The following LUZP1 variants were observed in gnomAD, a reference collection of about 807,000 sequenced individuals.
The protein encoded by LUZP1 is filamin mechanobinding actin cross-linking protein.
In LUZP1, 25 loss-of-function variants were observed where a neutral mutation model predicts 71.3. The observed-to-expected ratio is 0.35, with a 90% CI of 0.26 to 0.49. The LOEUF (loss-of-function observed/expected upper bound fraction) is 0.49, where lower values mean the gene tolerates loss of function less well. LUZP1 is among the 20% of genes least tolerant of loss of function. LUZP1 has a pLI of 0.99. For missense variants in LUZP1, 1,142 were observed against 1,300.8 expected (o/e 0.88, Z 1.88); for synonymous variants, 481 against 506.4 (o/e 0.95, Z 0.67).
At position 23,092,323 on chromosome 1, in the gene LUZP1, G is replaced by C. The variant is rs530578059; in HGVS notation, c.1939C>G (p.Arg647Gly). 7.4e-6 allele frequency: 12 copies of C among 1,614,090 alleles called. No homozygotes were observed. In the South Asian group the frequency reaches 9.9e-5, roughly 13 times the overall value. The stretch of plus-strand genomic sequence containing the variant: ...TCTCTGCCACTGGATTTGATGACTC[G>C]ACACCTCAAGGCTTCATGCGGACTG... The change falls in exon 4 of 5, where the codon CGA (arginine) becomes GGA (glycine). Residue 647 changes from arginine (R) to glycine (G), a missense_variant. Transcript: ENST00000302291.
chr1:23,109,793 A>C (rs925997682), intron 2 of LUZP1: 1 of 152,156 alleles, frequency 6.6e-6, no homozygotes, highest in Non-Finnish European at 1.5e-5. Flanking sequence ...CTGAAATCTA[A>C]AACACTTCTG....
chr1:23,124,163 C>G (rs1012525769), intron 2 of LUZP1, among the ~76,000 whole-genome samples: 1 of 152,156 alleles, frequency 6.6e-6, no homozygotes, highest in Admixed American at 6.5e-5. Flanking sequence ...AAAGCTGCAG[C>G]CCTTCATCAA....
At chr1:23,142,171 C>T (rs1164919988) in intron 2 of LUZP1, among the ~76,000 whole-genome samples, 1 of 151,502 alleles carries the variant, frequency 6.6e-6, no homozygotes, top group East Asian at 1.9e-4. Flanking sequence ...TTTAAAAATA[C>T]TTTGTAGAAA....
chr1:23,168,176 C>G (rs187788587), intron 2 of LUZP1, among the ~76,000 whole-genome samples: 21,092 of 143,238 alleles, frequency 0.15, 1,890 homozygotes, highest in South Asian at 0.3. Context: ...GCGGCCCGCG[C>G]CCCGCGCCCG....
chr1:23,131,535 G>C (rs189892897), intron 2 of LUZP1, among the ~76,000 whole-genome samples: 1 of 152,104 alleles, frequency 6.6e-6, no homozygotes, highest in African/African-American at 2.4e-5. Context: ...CTGTACCCCA[G>C]TGCCTAGCCT....
At chr1:23,173,363 T>C (rs1207940405) in intron 1 of LUZP1, among the ~76,000 whole-genome samples, 4 of 142,860 alleles carry the variant, frequency 2.8e-5, no homozygotes, top group African/African-American at 1.0e-4. Context: ...TTTTTTTTTT[T>C]TTTTTTTTTC....
chr1:23,164,866 G>A (rs545457474), intron 2 of LUZP1, among the ~76,000 whole-genome samples: 40 of 152,254 alleles, frequency 2.6e-4, no homozygotes, highest in African/African-American at 8.4e-4. Flanking sequence ...AATTTGTTAA[G>A]CGCTTCTTAA....
intron 2 of LUZP1, among the ~76,000 whole-genome samples, chr1:23,158,724 T>C (rs1473015498): frequency 1.3e-5 from 2 of 148,154 alleles, no homozygotes; most frequent in Admixed American, 1.3e-4. Flanking sequence ...CCCAGCACTT[T>C]GGGAGGCGGA....
intron 2 of LUZP1, among the ~76,000 whole-genome samples, chr1:23,138,663 T>TTGTGTGTGTGTGTG (rs550739499): frequency 2.5e-4 from 31 of 125,668 alleles, no homozygotes; most frequent in African/African-American, 8.5e-4. Flanking sequence ...GATTATGTGT[T>TTGTGTGTGTGTGTG]TGTGTGTGTG....
intron 4 of LUZP1, among the ~76,000 whole-genome samples, chr1:23,090,049 C>T (rs1400821284): frequency 6.6e-6 from 1 of 152,190 alleles, no homozygotes; most frequent in African/African-American, 2.4e-5. Context: ...TGAGCCACCA[C>T]GCCTGGCCAG....
At chr1:23,176,117 A>G (rs1644581211) in intron 1 of LUZP1, among the ~76,000 whole-genome samples, 1 of 142,652 alleles carries the variant, frequency 7.0e-6, no homozygotes, top group Non-Finnish European at 1.5e-5. Context: ...GCTGGAGTGC[A>G]GTGGTATGAT....
intron 2 of LUZP1, among the ~76,000 whole-genome samples, chr1:23,134,478 T>C (rs1644238392): frequency 6.6e-6 from 1 of 151,902 alleles, no homozygotes; most frequent in Admixed American, 6.6e-5. Context: ...TGAGACCCAG[T>C]CTCTTAAAAA....
At chr1:23,143,243 G>A (rs1427284146) in intron 2 of LUZP1, among the ~76,000 whole-genome samples, 2 of 152,014 alleles carry the variant, frequency 1.3e-5, no homozygotes, top group South Asian at 2.1e-4. Context: ...TCCTTACCTC[G>A]TGATCCACCT....
Position 23,165,024 on chromosome 1 carries a change from G to A in LUZP1, c.-226+3742C>T, listed in dbSNP as rs544960648. Among the ~76,000 whole-genome samples the A allele has an allele frequency of 2.6e-5, 4 of 152,196 alleles. No individual in the cohort carries two copies. The South Asian group carries it at 8.3e-4, about 32-fold the overall frequency. On this transcript the variant is annotated intron_variant, in intron 2 of 4. Coordinates refer to ENST00000302291, the Ensembl canonical transcript of LUZP1. ...AAGTAACTAAAATCTACTTCCTCCT[G>A]AATTTATTTATCTTTCCCCTAATCC...
chr1:23,162,490 G>GT (rs1382580881), intron 2 of LUZP1, among the ~76,000 whole-genome samples: 2 of 150,574 alleles, frequency 1.3e-5, no homozygotes, highest in Non-Finnish European at 2.9e-5. Context: ...CCAGGCTGGA[G>GT]TGCAGTGGCG....
chr1:23,115,847 G>A (rs1644073707), intron 2 of LUZP1, among the ~76,000 whole-genome samples: 2 of 152,112 alleles, frequency 1.3e-5, no homozygotes, highest in African/African-American at 4.8e-5. Context: ...CGGCCCTGCT[G>A]TTTCCTTTTC....
At chr1:23,087,115 A>G (rs1643777954) in exon 5 of LUZP1, 1 of 151,858 alleles carries the variant, frequency 6.6e-6, no homozygotes, top group Non-Finnish European at 1.5e-5. Context: ...TAATACCTAG[A>G]CTCCTAGAAC....
intron 2 of LUZP1, among the ~76,000 whole-genome samples, chr1:23,114,933 A>G (rs968502769): frequency 1.3e-5 from 2 of 152,222 alleles, no homozygotes; most frequent in African/African-American, 4.8e-5. Context: ...GTCCTTTCCA[A>G]TAACACTATG....
intron 2 of LUZP1, among the ~76,000 whole-genome samples, chr1:23,116,882 T>C (rs998996292): frequency 6.6e-6 from 1 of 152,126 alleles, no homozygotes; most frequent in Admixed American, 6.5e-5. Flanking sequence ...AATCTAGAAG[T>C]TTTTTGTTTT....
Sources: allele counts gnomAD v4.1 joint callset (sites outside exome capture counted in the v4.1 genomes callset), GRCh38; gene constraint gnomAD v4.1.1; transcripts MANE v1.5; gene names NCBI Gene and HGNC (gene_info 2026-07-23, HGNC 2026-07-21).